TSPAN12: variants seen among roughly 807,000 people sequenced by gnomAD.
The protein encoded by TSPAN12 is tetraspanin 12, also known as tetraspanin-12.
In TSPAN12, 19 loss-of-function variants were observed where a neutral mutation model predicts 39.2. The observed-to-expected ratio is 0.49, with a 90% CI of 0.34 to 0.71. The LOEUF is 0.71. Ranked by LOEUF, TSPAN12 falls within the 30% of genes least tolerant of loss-of-function variation. The pLI, the probability that TSPAN12 is intolerant of heterozygous loss-of-function variation, is 0.01. For synonymous variants in TSPAN12, 119 were observed against 124.8 expected, an observed-to-expected ratio of 0.95 and a Z score of 0.31; for missense variants, 314 against 359.9, an observed-to-expected ratio of 0.87 and a Z score of 1.03.
chr7:120,799,350 C>T (rs1193077536), intron 7 of TSPAN12, among the ~76,000 whole-genome samples: 2 of 149,418 alleles, frequency 1.3e-5, no homozygotes, highest in Non-Finnish European at 3.0e-5. Flanking sequence ...CAGATCTCCA[C>T]TTACGGCTCA....
At chr7:120,839,087 C>A (rs925637676) in intron 3 of TSPAN12, among the ~76,000 whole-genome samples, 175 bp from the exon 4 acceptor site, 27 of 152,176 alleles carry the variant, frequency 1.8e-4, no homozygotes, top group African/African-American at 6.5e-4. Flanking sequence ...TGTTTATTTG[C>A]TCGGTTGCTT....
chr7:120,815,853 C>T (rs1419839614), intron 4 of TSPAN12, 50 bp from the exon 5 acceptor site: 3 of 1,514,950 alleles, frequency 2.0e-6, no homozygotes, highest in Non-Finnish European at 2.7e-6. Context: ...ATAAAATAGG[C>T]TCCTCAAAGA....
At chr7:120,821,447 T>C (rs1794186416) in intron 4 of TSPAN12, among the ~76,000 whole-genome samples, 1 of 150,844 alleles carries the variant, frequency 6.6e-6, no homozygotes, top group South Asian at 2.1e-4. Context: ...AAAAAAGCTG[T>C]AAAAATGGAA....
rs535947612 is a variant in TSPAN12, at chr7:120,857,278, G to C, written c.-70-445C>G. 1.8e-3 allele frequency: 450 copies of C among 247,490 alleles called. 1 individual carries two copies. The highest frequency in any genetic ancestry group is 2.6e-3 in the Non-Finnish European group (328 of 125,686). The allele number at this position is 247,490 out of a possible 1,614,324, so 15.3% of individuals were successfully genotyped here. A position where few individuals can be genotyped will look rare whatever the true frequency, so the allele number is the denominator to read the frequency against. ...CACCGGCAAGCCCGAGAGAATGAGC[G>C]CCCTTCTAGTTAGGACAGTTCCTGG... On this transcript the variant is annotated intron_variant, in intron 1 of 7. Coordinates refer to ENST00000222747, the MANE Select transcript of TSPAN12 (RefSeq NM_012338.4).
chr7:120,799,488 ATAAT>A (rs1232532184), intron 7 of TSPAN12, among the ~76,000 whole-genome samples: 2 of 129,302 alleles, frequency 1.5e-5, no homozygotes, highest in African/African-American at 2.9e-5. Flanking sequence ...ATAATTATAT[ATAAT>A]TATTTTTAAT....
At chr7:120,806,735 A>G (rs1282708805) in intron 6 of TSPAN12, 43 bp from the exon 7 acceptor site, 4 of 1,611,746 alleles carry the variant, frequency 2.5e-6, no homozygotes, top group Non-Finnish European at 3.4e-6. Context: ...CCACAAAAAT[A>G]TTTTCTTAAC....
intron 7 of TSPAN12, among the ~76,000 whole-genome samples, chr7:120,792,072 C>A (rs1735362428): frequency 6.6e-6 from 1 of 152,186 alleles, no homozygotes; most frequent in Non-Finnish European, 1.5e-5. Flanking sequence ...CGAAAAGCTG[C>A]TGAATCTCTT....
chr7:120,855,036 G>A (rs1740467826), intron 2 of TSPAN12, among the ~76,000 whole-genome samples: 1 of 152,120 alleles, frequency 6.6e-6, no homozygotes, highest in African/African-American at 2.4e-5. Flanking sequence ...AGGAATAGGT[G>A]CTTTTATGCA....
At chr7:120,856,608 G>A in intron 2 of TSPAN12, 90 bp downstream of exon 2, 2 of 1,299,494 alleles carry the variant, frequency 1.5e-6, no homozygotes, top group Non-Finnish European at 2.2e-6. Context: ...ATTAATTAAT[G>A]CTTAGCCATG....
At chr7:120,807,340 A>G (rs900711247) in intron 6 of TSPAN12, among the ~76,000 whole-genome samples, 5 of 152,242 alleles carry the variant, frequency 3.3e-5, no homozygotes, top group African/African-American at 7.2e-5. Context: ...ATAAAATTGG[A>G]TTTAAGAAAA....
At chr7:120,793,900 C>T (rs544211598) in intron 7 of TSPAN12, among the ~76,000 whole-genome samples, 49 of 151,964 alleles carry the variant, frequency 3.2e-4, no homozygotes, top group Non-Finnish European at 5.4e-4. Context: ...ATATAAAATC[C>T]CACTTGATAA....
At chr7:120,852,212 G>T (rs1470534309) in intron 2 of TSPAN12, among the ~76,000 whole-genome samples, 1 of 151,886 alleles carries the variant, frequency 6.6e-6, no homozygotes, top group African/African-American at 2.4e-5. Flanking sequence ...AAATCCTAGT[G>T]GGGTAGAAAA....
At chr7:120,833,182 A>G (rs1794418958) in intron 4 of TSPAN12, among the ~76,000 whole-genome samples, 1 of 152,126 alleles carries the variant, frequency 6.6e-6, no homozygotes, top group Admixed American at 6.6e-5. Flanking sequence ...AATATGATGA[A>G]TCTTCATTTA....
chr7:120,850,128 A>G (rs1159540156), intron 2 of TSPAN12, among the ~76,000 whole-genome samples: 1 of 152,238 alleles, frequency 6.6e-6, no homozygotes, highest in African/African-American at 2.4e-5. Context: ...TGGCTGAAAT[A>G]CAGTCTGGAG....
Position 120,788,906 on chromosome 7 carries a change from G to T in TSPAN12, c.613-9C>A. On this transcript the variant is annotated splice_polypyrimidine_tract_variant and intron_variant, in intron 7 of 7. Transcript: ENST00000222747. ...ATTTTCTTCCCACAACCCTGTAAAA[G>T]AAATACATGGTCAACATTACTTTAG... 1 of 1,613,720 alleles carries T rather than the reference G, an allele frequency of 6.2e-7. No individual in the cohort carries two copies. Among genetic ancestry groups the T allele is most frequent in the Non-Finnish European group, 8.5e-7 (1 of 1,179,884 alleles).
chr7:120,812,648 AT>A (rs548533686), intron 5 of TSPAN12, among the ~76,000 whole-genome samples: 83 of 152,060 alleles, frequency 5.5e-4, no homozygotes, highest in East Asian at 3.9e-3. Context: ...TTGGGCACAC[AT>A]TTTTTTCCCC....
intron 2 of TSPAN12, among the ~76,000 whole-genome samples, chr7:120,842,405 G>C (rs974825724): frequency 6.7e-6 from 1 of 150,290 alleles, no homozygotes; most frequent in African/African-American, 2.5e-5. Flanking sequence ...ACCTCTTGGG[G>C]AACACAGGCA....
At chr7:120,849,379 G>A (rs189549299) in intron 2 of TSPAN12, among the ~76,000 whole-genome samples, 1 of 152,280 alleles carries the variant, frequency 6.6e-6, no homozygotes, top group Admixed American at 6.5e-5. Context: ...AATTGTATGT[G>A]TATGCGCATT....
intron 5 of TSPAN12, among the ~76,000 whole-genome samples, chr7:120,812,961 T>A (rs2116376669): frequency 6.6e-6 from 1 of 152,328 alleles, no homozygotes; most frequent in East Asian, 1.9e-4. Context: ...ATCAATTTTT[T>A]TAAACTTTAC....
Sources: gnomAD v4.1 joint callset for allele counts (sites outside exome capture counted in the v4.1 genomes callset) on GRCh38, gnomAD v4.1.1 for gene constraint, MANE v1.5 for transcripts, NCBI Gene and HGNC (gene_info 2026-07-23, HGNC 2026-07-21) for gene names.